The following GBE1 variants were observed in gnomAD, a reference collection of about 807,000 sequenced individuals.
GBE1 encodes the protein 1,4-alpha-glucan branching enzyme 1.
In GBE1, 70 loss-of-function variants were observed where a neutral mutation model predicts 88.8. The ratio of observed to expected loss-of-function variants is 0.79; its 90% CI spans 0.65 to 0.96. The LOEUF is 0.96. Ranked by LOEUF, GBE1 falls within the 40% of genes least tolerant of loss-of-function variation. The pLI, the probability that GBE1 is intolerant of heterozygous loss-of-function variation, is 0.00. For synonymous variants in GBE1, 284 were observed against 300.1 expected (o/e 0.95, Z 0.56); for missense variants, 872 against 871.0 (o/e 1.00, Z -0.01).
rs748162496 is a variant in GBE1, at chr3:81,499,259, G to A, written c.1935-32C>T. The A allele has an allele frequency of 8.0e-6, 10 of 1,252,746 alleles. No homozygotes were observed. In the African/African-American group the frequency reaches 1.2e-4, roughly 15 times the overall value. 77.6% of individuals were successfully genotyped at this position (1,252,746 alleles called of 1,614,324 possible). A position where few individuals can be genotyped will look rare whatever the true frequency, so the allele number is the denominator to read the frequency against. ...CTCTTAAGGAATTCACAACAGTTGA[G>A]GAGTTGAATGAGACATTGTAAAATA... On this transcript the variant is annotated intron_variant, in intron 14 of 15. Coordinates refer to ENST00000429644, the MANE Select transcript of GBE1 (RefSeq NM_000158.4).
intron 3 of GBE1, among the ~76,000 whole-genome samples, chr3:81,652,428 A>G (rs1393528778): frequency 6.6e-6 from 1 of 152,214 alleles, no homozygotes; most frequent in African/African-American, 2.4e-5. Context: ...TAACTTCAAT[A>G]TTTTGTTTCC....
At chr3:81,743,575 A>G (rs1706380911) in intron 1 of GBE1, 2 of 1,535,284 alleles carry the variant, frequency 1.3e-6, no homozygotes, top group South Asian at 1.2e-5. Flanking sequence ...AGCAAGATTC[A>G]TGGGACAACG....
chr3:81,754,679 G>C (rs1292054454), intron 1 of GBE1, among the ~76,000 whole-genome samples: 1 of 152,004 alleles, frequency 6.6e-6, no homozygotes, highest in Non-Finnish European at 1.5e-5. Context: ...ACACACATTT[G>C]CCACCAACTC....
At chr3:81,574,151 T>C (rs1291646815) in intron 12 of GBE1, among the ~76,000 whole-genome samples, 1 of 152,198 alleles carries the variant, frequency 6.6e-6, no homozygotes, top group Non-Finnish European at 1.5e-5. Context: ...CTACATTTAC[T>C]GATATTTTAA....
At chr3:81,745,127 A>G (rs2107224483) in intron 1 of GBE1, among the ~76,000 whole-genome samples, 1 of 152,284 alleles carries the variant, frequency 6.6e-6, no homozygotes, top group East Asian at 1.9e-4. Context: ...GCCTGTGCCA[A>G]AGAGAGTGTT....
chr3:81,532,016 A>C (rs1053836827), intron 14 of GBE1, among the ~76,000 whole-genome samples: 2 of 151,930 alleles, frequency 1.3e-5, no homozygotes, highest in Non-Finnish European at 1.5e-5. Context: ...TTCCAATGCA[A>C]AGTCCCACAG....
chr3:81,585,701 T>C (rs1703793999), intron 10 of GBE1, among the ~76,000 whole-genome samples: 1 of 152,174 alleles, frequency 6.6e-6, no homozygotes, highest in South Asian at 2.1e-4. Context: ...ACCATACTAT[T>C]AAGCAAGTAC....
chr3:81,698,033 TTA>T (rs1192265299), intron 2 of GBE1, among the ~76,000 whole-genome samples: 5 of 147,642 alleles, frequency 3.4e-5, no homozygotes, highest in African/African-American at 4.9e-5. Context: ...ATATATAATT[TTA>T]TATATATATT....
intron 2 of GBE1, among the ~76,000 whole-genome samples, chr3:81,686,888 G>A (rs1705450625): frequency 6.6e-6 from 1 of 152,112 alleles, no homozygotes; most frequent in South Asian, 2.1e-4. Flanking sequence ...GCATATGCAT[G>A]TGTCTATATA....
At chr3:81,545,614 A>ATGTGTGTGTG (rs3083686) in intron 12 of GBE1, among the ~76,000 whole-genome samples, 7 of 149,648 alleles carry the variant, frequency 4.7e-5, no homozygotes, top group African/African-American at 1.7e-4. Context: ...TATCAAGCAT[A>ATGTGTGTGTG]TGTGTGTGTG....
chr3:81,642,214 A>G (rs1053406262), intron 7 of GBE1, among the ~76,000 whole-genome samples: 3 of 152,098 alleles, frequency 2.0e-5, no homozygotes, highest in African/African-American at 4.8e-5. Flanking sequence ...TAAGATGGCT[A>G]TAACAATAGT....
chr3:81,680,537 A>G (rs1037717316), intron 2 of GBE1, among the ~76,000 whole-genome samples: 8 of 151,944 alleles, frequency 5.3e-5, no homozygotes, highest in African/African-American at 1.5e-4. Flanking sequence ...ATTTCACACA[A>G]TTCATGCCAT....
intron 12 of GBE1, among the ~76,000 whole-genome samples, chr3:81,553,998 T>C (rs1003086005): frequency 6.6e-6 from 1 of 152,072 alleles, no homozygotes; most frequent in Non-Finnish European, 1.5e-5. Context: ...TGAGACTAAA[T>C]CGAGAATGAG....
intron 10 of GBE1, among the ~76,000 whole-genome samples, chr3:81,582,462 G>C (rs1237948139): frequency 6.6e-6 from 1 of 152,100 alleles, no homozygotes; most frequent in Non-Finnish European, 1.5e-5. Flanking sequence ...TTTGATTTTA[G>C]TCCCAGTAAA....
intron 7 of GBE1, among the ~76,000 whole-genome samples, chr3:81,608,838 T>C (rs116258104): frequency 1.5e-3 from 228 of 152,282 alleles, no homozygotes; most frequent in African/African-American, 5.3e-3. Context: ...TTTACCTGTT[T>C]AGGGTATCCA....
intron 2 of GBE1, among the ~76,000 whole-genome samples, 192 bp from the exon 3 acceptor site, chr3:81,671,145 C>A (rs1705183752): frequency 1.3e-5 from 2 of 152,076 alleles, no homozygotes; most frequent in African/African-American, 2.4e-5. Context: ...ATAAAAAATG[C>A]ATTTTAAAGT....
intron 1 of GBE1, among the ~76,000 whole-genome samples, chr3:81,748,864 G>A (rs971645901): frequency 2.6e-5 from 4 of 151,738 alleles, no homozygotes; most frequent in African/African-American, 9.7e-5. Context: ...AAAATTAGCT[G>A]GGCATGGTGG....
intron 7 of GBE1, among the ~76,000 whole-genome samples, chr3:81,616,826 C>G (rs1315648510): frequency 1.3e-5 from 2 of 152,040 alleles, no homozygotes; most frequent in Non-Finnish European, 2.9e-5. Context: ...TCTGTGAACA[C>G]AGTATGCATC....
At chr3:81,566,310 C>G (rs1250413734) in intron 12 of GBE1, among the ~76,000 whole-genome samples, 1 of 152,174 alleles carries the variant, frequency 6.6e-6, no homozygotes, top group Non-Finnish European at 1.5e-5. Flanking sequence ...ATCACAATTT[C>G]TAGGTATTTG....
Sources: allele counts gnomAD v4.1 joint callset (sites outside exome capture counted in the v4.1 genomes callset), GRCh38; gene constraint gnomAD v4.1.1; transcripts MANE v1.5; gene names NCBI Gene and HGNC (gene_info 2026-07-23, HGNC 2026-07-21).